PLCB1: variants seen among roughly 807,000 people sequenced by gnomAD.
PLCB1 encodes phospholipase C beta 1.
A neutral mutation model predicts 161.8 loss-of-function variants in PLCB1; 46 were observed. That is an observed-to-expected ratio of 0.28 (90% CI 0.22 to 0.36). The LOEUF (loss-of-function observed/expected upper bound fraction) is 0.36, where lower values mean the gene tolerates loss of function less well. PLCB1 is among the 10% of genes least tolerant of loss of function. The pLI is 1.00. For synonymous variants in PLCB1, 517 were observed against 503.7 expected, an observed-to-expected ratio of 1.03 and a Z score of -0.35; for missense variants, 1,016 against 1,472.5, an observed-to-expected ratio of 0.69 and a Z score of 5.07.
At chr20:8,372,477 G>A (rs1986935245) in intron 3 of PLCB1, among the ~76,000 whole-genome samples, 1 of 151,280 alleles carries the variant, frequency 6.6e-6, no homozygotes, top group Admixed American at 6.6e-5. Flanking sequence ...TATTTTATTT[G>A]CTGAAAGGGT....
At chr20:8,204,300 A>G (rs555652003) in intron 2 of PLCB1, among the ~76,000 whole-genome samples, 1 of 152,310 alleles carries the variant, frequency 6.6e-6, no homozygotes, top group African/African-American at 2.4e-5. Flanking sequence ...GGAGAAACAC[A>G]GGAAAAGATT....
rs969156530 is a variant in PLCB1, at chr20:8,132,333, G to C, written c.-319G>C. On this transcript the variant is annotated 5_prime_UTR_variant, in exon 1 of 32. Coordinates refer to ENST00000338037, the MANE Select transcript of PLCB1 (RefSeq NM_015192.4). The surrounding 1 kb of genome is among the most constrained non-coding windows in gnomAD (Gnocchi z 5.2). The stretch of plus-strand genomic sequence containing the variant: ...GCGCTTTGAGGCGGCGGCGGCGGAG[G>C]AGCAGAATCCGCCGCGACTGGCAGC... 1.4e-5 allele frequency: 3 copies of C among 222,104 alleles called. No individual in the cohort carries two copies. The highest frequency in any genetic ancestry group is 1.8e-5 in the Non-Finnish European group (2 of 114,172). 13.8% of individuals were successfully genotyped at this position (222,104 alleles called of 1,614,324 possible).
intron 2 of PLCB1, among the ~76,000 whole-genome samples, chr20:8,350,984 T>A (rs1986160509): frequency 6.6e-6 from 1 of 152,190 alleles, no homozygotes; most frequent in South Asian, 2.1e-4. Flanking sequence ...AAACTTTTTT[T>A]ATATGTTGGC....
chr20:8,186,497 A>G (rs2051907762), intron 2 of PLCB1, among the ~76,000 whole-genome samples: 1 of 152,182 alleles, frequency 6.6e-6, no homozygotes, highest in South Asian at 2.1e-4. Context: ...TGACTGTGAC[A>G]TAAGCCTTGT....
intron 3 of PLCB1, among the ~76,000 whole-genome samples, chr20:8,596,855 T>G (rs1987367916): frequency 6.6e-6 from 1 of 151,046 alleles, no homozygotes; most frequent in Non-Finnish European, 1.5e-5. Context: ...TTTTATTCTC[T>G]TTGAAGCAAT....
intron 4 of PLCB1, among the ~76,000 whole-genome samples, chr20:8,634,658 A>G (rs1431913599): frequency 6.6e-6 from 1 of 152,166 alleles, no homozygotes; most frequent in East Asian, 1.9e-4. Flanking sequence ...TAAAACAACA[A>G]ACTCATTCCT....
intron 3 of PLCB1, among the ~76,000 whole-genome samples, chr20:8,503,867 A>G (rs911739826): frequency 6.6e-6 from 1 of 152,184 alleles, no homozygotes; most frequent in Non-Finnish European, 1.5e-5. Context: ...GAAAAGTCGA[A>G]TGTAAAAGTT....
intron 2 of PLCB1, among the ~76,000 whole-genome samples, chr20:8,364,554 T>G (rs1021887363): frequency 2.0e-5 from 3 of 152,244 alleles, no homozygotes; most frequent in Non-Finnish European, 4.4e-5. Context: ...TGAGTCTGAC[T>G]TGTATTTTAT....
At chr20:8,862,136 T>A (rs1471138679) in intron 31 of PLCB1, among the ~76,000 whole-genome samples, 1 of 152,252 alleles carries the variant, frequency 6.6e-6, no homozygotes, top group African/African-American at 2.4e-5. Flanking sequence ...TATTTCCTCT[T>A]GTAGAATACA....
chr20:8,222,517 G>A (rs1979467162), intron 2 of PLCB1, among the ~76,000 whole-genome samples: 3 of 151,836 alleles, frequency 2.0e-5, no homozygotes, highest in Admixed American at 2.0e-4. Context: ...TTTACTTTTG[G>A]TTTTCAGCAC....
intron 18 of PLCB1, 60 bp downstream of exon 18, chr20:8,729,234 A>G (rs946327606): frequency 1.1e-5 from 15 of 1,414,982 alleles, no homozygotes; most frequent in Non-Finnish European, 1.4e-5. Context: ...TCCAAAAACC[A>G]TTCTTACATA....
At chr20:8,233,183 A>T (rs1172134746) in intron 2 of PLCB1, among the ~76,000 whole-genome samples, 1 of 152,144 alleles carries the variant, frequency 6.6e-6, no homozygotes, top group Non-Finnish European at 1.5e-5. Context: ...TCAAATATTT[A>T]TCAAATACCT....
At chr20:8,189,180 C>T (rs1372547699) in intron 2 of PLCB1, among the ~76,000 whole-genome samples, 2 of 151,640 alleles carry the variant, frequency 1.3e-5, no homozygotes, top group African/African-American at 4.8e-5. Context: ...GCTTATTTCA[C>T]TTAGCATAAT....
chr20:8,337,796 C>T (rs1226269029), intron 2 of PLCB1, among the ~76,000 whole-genome samples: 3 of 152,090 alleles, frequency 2.0e-5, no homozygotes, highest in Admixed American at 6.6e-5. Flanking sequence ...TTTTCCAAAG[C>T]GGTTTATCTT....
At chr20:8,308,572 G>C (rs561650420) in intron 2 of PLCB1, among the ~76,000 whole-genome samples, 1 of 148,086 alleles carries the variant, frequency 6.8e-6, no homozygotes, top group African/African-American at 2.5e-5. Flanking sequence ...AGCCGAGACC[G>C]TGCCACTGCG....
At chr20:8,664,236 G>T (rs886336019) in intron 9 of PLCB1, among the ~76,000 whole-genome samples, 2 of 152,020 alleles carry the variant, frequency 1.3e-5, no homozygotes, top group Non-Finnish European at 2.9e-5. Flanking sequence ...ATACAAAAGC[G>T]TCCCCACTTT....
rs548999696 is a variant in PLCB1, at chr20:8,859,048, A to T, written c.3424-22574A>T. ...CCTGGGCAAGGAAACTGGGCAACAC[A>T]CTTCCAACTCAGAAGCCCTGAGGTT... On this transcript the variant is annotated intron_variant, in intron 31 of 31. Coordinates refer to ENST00000338037, the MANE Select transcript of PLCB1 (RefSeq NM_015192.4). Among the ~76,000 whole-genome samples the T allele has an allele frequency of 2.0e-5, 3 of 152,256 alleles. No individual in the cohort carries two copies. In the East Asian group the frequency reaches 5.8e-4, roughly 29 times the overall value.
intron 2 of PLCB1, among the ~76,000 whole-genome samples, chr20:8,247,578 A>G (rs906655935): frequency 2.6e-5 from 4 of 151,902 alleles, no homozygotes; most frequent in Non-Finnish European, 4.4e-5. Context: ...CAGTGCCACC[A>G]TTTATAAATA....
rs80346124 is a variant in PLCB1 at position 8,513,721 on chromosome 20, C to T, written c.247-114573C>T. On this transcript the variant is annotated intron_variant, in intron 3 of 31. Coordinates refer to ENST00000338037, the MANE Select transcript of PLCB1 (RefSeq NM_015192.4). ...AAAACGCTACCAGAACTAAAAGAAA[C>T]AAAAGTGGTCAGGTGCAGTGGCTCA... is the stretch of plus-strand genomic sequence containing the variant. Among the ~76,000 whole-genome samples the T allele has an allele frequency of 4.2e-3, 636 of 152,148 alleles. 5 individuals are homozygous for T. The highest frequency in any genetic ancestry group is 0.013 in the African/African-American group (555 of 41,524).
Sources: allele counts gnomAD v4.1 joint callset (sites outside exome capture counted in the v4.1 genomes callset), GRCh38; gene constraint gnomAD v4.1.1; non-coding constraint Gnocchi (gnomAD v3.1); transcripts MANE v1.5; gene names NCBI Gene and HGNC (gene_info 2026-07-23, HGNC 2026-07-21).